The following DPYD variants were observed in gnomAD, a reference collection of about 807,000 sequenced individuals.
DPYD encodes the protein dihydropyrimidine dehydrogenase [NADP(+)].
Under a neutral mutation model 116.2 loss-of-function variants are expected in DPYD, and 109 were observed. The ratio of observed to expected loss-of-function variants is 0.94; its 90% confidence interval spans 0.80 to 1.10. DPYD has a LOEUF of 1.10. Among genes scored for constraint, DPYD ranks in the 50% least tolerant of loss-of-function variants. DPYD has a pLI of 0.00. For synonymous variants in DPYD, 440 were observed against 432.0 expected, an observed-to-expected ratio of 1.02 and a Z score of -0.23; for missense variants, 1,302 against 1,254.5, an observed-to-expected ratio of 1.04 and a Z score of -0.57.
chr1:97,259,192 A>G (rs1247337226), intron 18 of DPYD, among the ~76,000 whole-genome samples: 1 of 152,064 alleles, frequency 6.6e-6, no homozygotes, highest in Admixed American at 6.6e-5. Flanking sequence ...GATTCTATAA[A>G]TGCCTTATTT....
intron 6 of DPYD, among the ~76,000 whole-genome samples, chr1:97,698,609 C>A (rs973014413): frequency 1.3e-5 from 2 of 151,644 alleles, no homozygotes; most frequent in African/African-American, 4.8e-5. Flanking sequence ...TTTTGTAATC[C>A]ATGATTTTTT....
At chr1:97,193,889 C>T (rs1658564169) in intron 19 of DPYD, among the ~76,000 whole-genome samples, 1 of 152,174 alleles carries the variant, frequency 6.6e-6, no homozygotes, top group Non-Finnish European at 1.5e-5. Flanking sequence ...TGGCTAACTA[C>T]CAACCATTCC....
intron 4 of DPYD, among the ~76,000 whole-genome samples, chr1:97,723,139 C>T (rs1189820794): frequency 6.6e-6 from 1 of 151,582 alleles, no homozygotes; most frequent in Non-Finnish European, 1.5e-5. Flanking sequence ...TAATGCACGG[C>T]TTTCACAGCA....
chr1:97,586,223 TGGAAA>T (rs1557818427), intron 10 of DPYD: 1 of 151,552 alleles, frequency 6.6e-6, no homozygotes, highest in East Asian at 1.9e-4. Flanking sequence ...GATCCTTGAA[TGGAAA>T]GCCAAATCTC....
chr1:97,874,936 T>C (rs1210511419), intron 2 of DPYD, among the ~76,000 whole-genome samples: 1 of 151,948 alleles, frequency 6.6e-6, no homozygotes, highest in African/African-American at 2.4e-5. Context: ...TCAGATTAAC[T>C]ATAAAATGAA....
At chr1:97,688,886 G>T (rs1381418201) in intron 7 of DPYD, among the ~76,000 whole-genome samples, 1 of 151,722 alleles carries the variant, frequency 6.6e-6, no homozygotes, top group Admixed American at 6.6e-5. Context: ...TCAATGATTA[G>T]TATAATTCAA....
chr1:97,617,549 A>T (rs1467990597), intron 8 of DPYD, among the ~76,000 whole-genome samples: 4 of 152,164 alleles, frequency 2.6e-5, no homozygotes, highest in Non-Finnish European at 5.9e-5. Flanking sequence ...AAAAACACCA[A>T]CATTGAGAGT....
chr1:97,615,538 C>T (rs910015588), intron 8 of DPYD, among the ~76,000 whole-genome samples: 3 of 152,134 alleles, frequency 2.0e-5, no homozygotes, highest in Non-Finnish European at 2.9e-5. Context: ...TCTACAATCA[C>T]CAAATCCTAT....
chr1:97,481,642 T>C (rs1344279989), intron 13 of DPYD, among the ~76,000 whole-genome samples: 1 of 152,158 alleles, frequency 6.6e-6, no homozygotes, highest in African/African-American at 2.4e-5. Context: ...TTATCTGTTT[T>C]ACATTCTATT....
intron 8 of DPYD, among the ~76,000 whole-genome samples, chr1:97,608,845 T>C (rs934565696): frequency 6.6e-6 from 1 of 151,912 alleles, no homozygotes; most frequent in Admixed American, 6.6e-5. Flanking sequence ...GTGAAGAATC[T>C]ATAGCAACAG....
intron 18 of DPYD, among the ~76,000 whole-genome samples, chr1:97,276,283 C>A (rs889020496): frequency 6.6e-6 from 1 of 151,966 alleles, no homozygotes; most frequent in Non-Finnish European, 1.5e-5. Flanking sequence ...GCAATTGCAA[C>A]AACAACAAAA....
chr1:97,745,573 T>C (rs2101082581), intron 3 of DPYD, among the ~76,000 whole-genome samples: 1 of 152,266 alleles, frequency 6.6e-6, no homozygotes, highest in East Asian at 1.9e-4. Context: ...TTATTGGTTT[T>C]ACCATATAAT....
intron 3 of DPYD, among the ~76,000 whole-genome samples, chr1:97,817,055 A>G (rs1484463591): frequency 6.6e-6 from 1 of 152,126 alleles, no homozygotes; most frequent in Non-Finnish European, 1.5e-5. Flanking sequence ...CAAGGGCTAA[A>G]TCCAGATGGC....
At chr1:97,212,828 T>C (rs1660125061) in intron 19 of DPYD, among the ~76,000 whole-genome samples, 1 of 152,124 alleles carries the variant, frequency 6.6e-6, no homozygotes, top group Admixed American at 6.6e-5. Context: ...ATTGTGTAAA[T>C]TCATATCACA....
intron 10 of DPYD, among the ~76,000 whole-genome samples, chr1:97,592,616 C>T (rs765290530): frequency 2.6e-5 from 4 of 152,212 alleles, no homozygotes; most frequent in Non-Finnish European, 4.4e-5. Context: ...ATCCGCCGGC[C>T]TCAGCCTCCC....
intron 14 of DPYD, among the ~76,000 whole-genome samples, chr1:97,396,728 C>A (rs1310347296): frequency 2.0e-5 from 3 of 151,934 alleles, no homozygotes; most frequent in African/African-American, 4.8e-5. Flanking sequence ...TACTGCCTAC[C>A]GCATGCCACA....
At chr1:97,404,135 C>T (rs962502571) in intron 14 of DPYD, among the ~76,000 whole-genome samples, 1 of 151,792 alleles carries the variant, frequency 6.6e-6, no homozygotes, top group Non-Finnish European at 1.5e-5. Flanking sequence ...TAATTTAATT[C>T]CATTGTGTTC....
At chr1:97,839,158 A>ACCTT (rs761218653) in intron 2 of DPYD, among the ~76,000 whole-genome samples, 3 of 152,302 alleles carry the variant, frequency 2.0e-5, no homozygotes, top group Non-Finnish European at 4.4e-5. Context: ...CATACTATTA[A>ACCTT]CCTTCCTTCC....
intron 8 of DPYD, among the ~76,000 whole-genome samples, chr1:97,658,009 C>A (rs1453464669): frequency 6.6e-6 from 1 of 152,092 alleles, no homozygotes; most frequent in Non-Finnish European, 1.5e-5. Context: ...AACACAACTA[C>A]TGAAATTAAA....
Sources: allele counts gnomAD v4.1 joint callset (sites outside exome capture counted in the v4.1 genomes callset), GRCh38; gene constraint gnomAD v4.1.1; transcripts MANE v1.5; gene names NCBI Gene and HGNC (gene_info 2026-07-23, HGNC 2026-07-21).